GRM4: variants seen among roughly 807,000 people sequenced by gnomAD.
GRM4 encodes metabotropic glutamate receptor 4.
A neutral mutation model predicts 81.7 loss-of-function variants in GRM4; 28 were observed. The observed-to-expected ratio is 0.34, with a 90% CI of 0.25 to 0.47. The LOEUF (loss-of-function observed/expected upper bound fraction) is 0.47. Among genes scored for constraint, GRM4 ranks in the 20% least tolerant of loss-of-function variants. The pLI is 1.00. For synonymous variants in GRM4, 488 were observed against 528.8 expected, an observed-to-expected ratio of 0.92 and a Z score of 1.06; for missense variants, 948 against 1,290.0, an observed-to-expected ratio of 0.73 and a Z score of 4.06.
At chr6:34,135,068 C>T (rs3756923) in intron 1 of GRM4, among the ~76,000 whole-genome samples, 3,960 of 152,300 alleles carry the variant, frequency 0.026, 104 homozygotes, top group East Asian at 0.11. Context: ...GACCAGCAAG[C>T]CACTTGTCCA....
intron 9 of GRM4, among the ~76,000 whole-genome samples, chr6:34,030,514 T>C (rs942659809): frequency 6.6e-6 from 1 of 152,168 alleles, no homozygotes; most frequent in Non-Finnish European, 1.5e-5. Context: ...TTCCAGATTC[T>C]ACTCTGCCTC....
At position 34,042,347 on chromosome 6, in the gene GRM4, C is replaced by T. The variant is rs1765056767; in HGVS notation, c.1169-1599G>A. On this transcript the variant is annotated intron_variant, in intron 6 of 10. Coordinates refer to ENST00000538487, the MANE Select transcript of GRM4 (RefSeq NM_000841.4). This position sits in a 1 kb window ranked among gnomAD's most constrained non-coding sequence, Gnocchi z 4.2. ...AAAGCTGATGTGAACCCAGGTACTC[C>T]AACTCCAACCCTGAGCACCACACTC... Among the ~76,000 whole-genome samples the T allele has an allele frequency of 6.6e-6, 1 of 152,172 alleles. No homozygotes were observed. The highest frequency in any genetic ancestry group is 2.1e-4 in the South Asian group (1 of 4,832).
intron 3 of GRM4, among the ~76,000 whole-genome samples, chr6:34,075,177 G>T (rs192936118): frequency 6.6e-6 from 1 of 152,302 alleles, no homozygotes; most frequent in Non-Finnish European, 1.5e-5. Context: ...CTCAGGCCAC[G>T]GTCAAGGCCG....
intron 3 of GRM4, among the ~76,000 whole-genome samples, chr6:34,072,615 CA>C (rs1766991286): frequency 2.2e-4 from 1 of 4,508 alleles, no homozygotes; most frequent in African/African-American, 4.4e-4. Flanking sequence ...CACACACACA[CA>C]CATCACCGCA....
At chr6:34,097,466 T>A (rs111591961) in intron 2 of GRM4, among the ~76,000 whole-genome samples, 3,778 of 152,152 alleles carry the variant, frequency 0.025, 89 homozygotes, top group Middle Eastern at 0.065. Flanking sequence ...CGCATGTGTG[T>A]ATCCAGGCAC....
intron 2 of GRM4, among the ~76,000 whole-genome samples, chr6:34,104,786 C>T (rs182146163): frequency 0.01 from 1,572 of 152,254 alleles, 8 homozygotes; most frequent in Middle Eastern, 0.027. Flanking sequence ...TGCATCTGTT[C>T]AATGGGGGCT....
intron 3 of GRM4, among the ~76,000 whole-genome samples, chr6:34,067,480 C>CTCTTCCTTCCTT (rs1766540398): frequency 7.4e-6 from 1 of 135,698 alleles, no homozygotes; most frequent in Non-Finnish European, 1.6e-5. Flanking sequence ...CTCCCTCCCT[C>CTCTTCCTTCCTT]TCTTCCTTCC....
At chr6:34,044,113 TACACAG>T (rs1400312360) in intron 6 of GRM4, among the ~76,000 whole-genome samples, 5 of 133,272 alleles carry the variant, frequency 3.8e-5, no homozygotes, top group Non-Finnish European at 7.7e-5. Flanking sequence ...TACACATATA[TACACAG>T]ACACACACAC....
chr6:34,112,130 A>G (rs1769407940), intron 2 of GRM4, among the ~76,000 whole-genome samples: 1 of 152,216 alleles, frequency 6.6e-6, no homozygotes, highest in South Asian at 2.1e-4. Flanking sequence ...GAGAAAATTA[A>G]CAAATGAGAA....
At chr6:34,040,420 G>T in intron 7 of GRM4, 106 bp from the exon 8 acceptor site, 1 of 1,445,070 alleles carries the variant, frequency 6.9e-7, no homozygotes, top group Non-Finnish European at 9.6e-7. Flanking sequence ...GGAACATTCT[G>T]GGAGATTTCA....
chr6:34,052,045 A>G (rs569200750), intron 6 of GRM4, among the ~76,000 whole-genome samples: 3 of 152,318 alleles, frequency 2.0e-5, no homozygotes, highest in Non-Finnish European at 1.5e-5. Flanking sequence ...ACACCAGTCC[A>G]GCCTCCAGCT....
rs929599212 is a variant in GRM4, at chr6:34,048,429, C to T, written c.1169-7681G>A. Among the ~76,000 whole-genome samples the T allele has an allele frequency of 3.4e-4, 52 of 151,178 alleles. No individual in the cohort carries two copies. Among genetic ancestry groups the T allele is most frequent in the Admixed American group, 3.9e-4 (6 of 15,240 alleles). Reference sequence around the variant, plus strand: ...ACACACCTCGGCTGAGGAGCTGGGGCTCAGCTCTCCCACACAGGAGGGGCT... The same window carrying T: ...ACACACCTCGGCTGAGGAGCTGGGGTTCAGCTCTCCCACACAGGAGGGGCT... On this transcript the variant is annotated intron_variant, in intron 6 of 10. Transcript: ENST00000538487. This position sits in a 1 kb window ranked among gnomAD's most constrained non-coding sequence, Gnocchi z 4.0.
rs1036009816 is a variant in GRM4, at chr6:34,114,247, G to C, written c.519+18731C>G. Among the ~76,000 whole-genome samples the C allele has an allele frequency of 3.9e-5, 6 of 152,186 alleles. No individual in the cohort carries two copies. The highest frequency in any genetic ancestry group is 1.4e-4 in the African/African-American group (6 of 41,426). On this transcript the variant is annotated intron_variant, in intron 2 of 10. Transcript: ENST00000538487. The surrounding 1 kb of genome is among the most constrained non-coding windows in gnomAD (Gnocchi z 4.3). Reference sequence around the variant, plus strand: ...ACTCCAGAAGGTCAGCTCCATGTGGGCAAGGACGGTATGCATTTGGCTCAC... The same window carrying C: ...ACTCCAGAAGGTCAGCTCCATGTGGCCAAGGACGGTATGCATTTGGCTCAC...
chr6:34,038,062 G>A (rs1216957657), intron 8 of GRM4, among the ~76,000 whole-genome samples: 1 of 152,130 alleles, frequency 6.6e-6, no homozygotes, highest in Non-Finnish European at 1.5e-5. Flanking sequence ...GAGGCGAGAC[G>A]GTCCCTGTGG....
chr6:34,025,520 TCTC>T (rs1764092164), intron 10 of GRM4, among the ~76,000 whole-genome samples: 1 of 152,088 alleles, frequency 6.6e-6, no homozygotes, highest in East Asian at 1.9e-4. Context: ...GGGCCTCTGC[TCTC>T]CTCTAATGCC....
chr6:34,049,656 G>A (rs1765516246), intron 6 of GRM4, among the ~76,000 whole-genome samples: 3 of 151,638 alleles, frequency 2.0e-5, no homozygotes, highest in South Asian at 4.2e-4. Context: ...TCCTCCTCCC[G>A]CCCACCCCAT....
chr6:34,070,669 G>A lies in GRM4; in HGVS notation c.737-8641C>T, dbSNP rs984150994. The stretch of plus-strand genomic sequence containing the variant: ...TAGCCAGGCCAGGACCCAGGACCCA[G>A]GGCTGGGGAGGTCTACAGCTGGGCG... On this transcript the variant is annotated intron_variant, in intron 3 of 10. Coordinates refer to ENST00000538487, the MANE Select transcript of GRM4 (RefSeq NM_000841.4). This position sits in a 1 kb window ranked among gnomAD's most constrained non-coding sequence, Gnocchi z 4.6. Among the ~76,000 whole-genome samples the A allele has an allele frequency of 3.3e-5, 5 of 151,818 alleles. No individual in the cohort carries two copies. Among genetic ancestry groups the A allele is most frequent in the Non-Finnish European group, 7.4e-5 (5 of 67,928 alleles).
At chr6:34,088,435 T>G (rs1217058114) in intron 3 of GRM4, among the ~76,000 whole-genome samples, 1 of 152,122 alleles carries the variant, frequency 6.6e-6, no homozygotes, top group Non-Finnish European at 1.5e-5. Flanking sequence ...CATTTTACTC[T>G]TATACCTTGC....
intron 9 of GRM4, among the ~76,000 whole-genome samples, chr6:34,030,877 T>A (rs544284762): frequency 3.3e-5 from 5 of 152,320 alleles, no homozygotes; most frequent in Non-Finnish European, 7.4e-5. Context: ...CCTCCCAGCA[T>A]GGGCCCTGGG....
Sources: allele counts gnomAD v4.1 joint callset (sites outside exome capture counted in the v4.1 genomes callset), GRCh38; gene constraint gnomAD v4.1.1; non-coding constraint Gnocchi (gnomAD v3.1); transcripts MANE v1.5; gene names NCBI Gene and HGNC (gene_info 2026-07-23, HGNC 2026-07-21).